The following SORT1 variants were observed in gnomAD, a reference collection of about 807,000 sequenced individuals.
The protein encoded by SORT1 is sortilin 1, also known as sortilin.
In SORT1, 39 loss-of-function variants were observed where a neutral mutation model predicts 101.7. The observed-to-expected ratio is 0.38, with a 90% CI of 0.30 to 0.50. The LOEUF is 0.50. SORT1 is among the 20% of genes least tolerant of loss of function. The pLI is 0.90. For missense variants in SORT1, 878 were observed against 1,040.4 expected (o/e 0.84, Z 2.15); for synonymous variants, 396 against 393.7 (o/e 1.01, Z -0.07).
rs10708090 is a variant in SORT1 at position 109,369,599 on chromosome 1, G to GA, written c.307-11dup. The stretch of plus-strand genomic sequence containing the variant: ...GATCATCAAACACATGCTATAAGGG[G>GA]AAAAAAAATTAATTTAGAAATGACA... On this transcript the variant is annotated splice_polypyrimidine_tract_variant and intron_variant, in intron 1 of 19. Transcript: ENST00000256637. 54 of 1,588,300 alleles carry GA rather than the reference G, an allele frequency of 3.4e-5. No individual in the cohort carries two copies. Among genetic ancestry groups the GA allele is most frequent in the South Asian group, 9.9e-5 (9 of 90,500 alleles).
At chr1:109,387,777 C>G (rs886328693) in intron 1 of SORT1, among the ~76,000 whole-genome samples, 43 of 152,138 alleles carry the variant, frequency 2.8e-4, no homozygotes, top group Middle Eastern at 3.4e-3. Flanking sequence ...ATGGTGAAAC[C>G]CCATCTCTAC....
At position 109,312,556 on chromosome 1, in the gene SORT1, A is replaced by G. The variant is rs1658793237; in HGVS notation, c.*1487T>C. 6.6e-6 allele frequency: 1 copy of G among 152,566 alleles called. No homozygotes were observed. The highest frequency in any genetic ancestry group is 2.4e-5 in the African/African-American group (1 of 41,426). 9.5% of individuals were successfully genotyped at this position (152,566 alleles called of 1,614,324 possible). A position where few individuals can be genotyped will look rare whatever the true frequency, so the allele number is the denominator to read the frequency against. On this transcript the variant is annotated 3_prime_UTR_variant, in exon 20 of 20. Transcript: ENST00000256637. ...CACAAAACTGACTTTCTAGCCACAA[A>G]ATAAACTAGTAGCAAATGGTATCTA...
intron 1 of SORT1, among the ~76,000 whole-genome samples, chr1:109,393,601 A>G (rs1653033837): frequency 6.6e-6 from 1 of 152,208 alleles, no homozygotes. Flanking sequence ...CATGTCATGA[A>G]TACTCCAAGC....
At chr1:109,322,301 T>A (rs12043187) in intron 15 of SORT1, among the ~76,000 whole-genome samples, 1 of 152,160 alleles carries the variant, frequency 6.6e-6, no homozygotes, top group Non-Finnish European at 1.5e-5. Flanking sequence ...GGTGTTTCTG[T>A]CTTTTCATTT....
intron 8 of SORT1, among the ~76,000 whole-genome samples, chr1:109,345,256 T>C (rs1649501404): frequency 6.6e-6 from 1 of 152,172 alleles, no homozygotes; most frequent in African/African-American, 2.4e-5. Context: ...GGCTCACGCC[T>C]ATAATCCCAG....
At chr1:109,358,394 G>A (rs946182334) in intron 3 of SORT1, among the ~76,000 whole-genome samples, 4 of 152,262 alleles carry the variant, frequency 2.6e-5, no homozygotes, top group South Asian at 4.1e-4. Flanking sequence ...AATTAGAGGC[G>A]TGATCCTAGC....
At chr1:109,370,951 A>G (rs1166054079) in intron 1 of SORT1, among the ~76,000 whole-genome samples, 1 of 152,228 alleles carries the variant, frequency 6.6e-6, no homozygotes, top group Non-Finnish European at 1.5e-5. Flanking sequence ...ATCTAAAGAA[A>G]CAGAACTCAA....
chr1:109,351,963 GGGGTGT>G (rs1318306353), intron 5 of SORT1, among the ~76,000 whole-genome samples: 1 of 72,722 alleles, frequency 1.4e-5, no homozygotes, highest in African/African-American at 5.6e-5. Context: ...ATGAGAGGTA[GGGGTGT>G]GTGTGTGTGT....
chr1:109,397,855 C>T lies in SORT1; in HGVS notation c.38G>A (p.Arg13His). 5 of 1,284,008 alleles carry T rather than the reference C, an allele frequency of 3.9e-6. No individual in the cohort carries two copies. The highest frequency in any genetic ancestry group is 5.0e-6 in the Non-Finnish European group (5 of 1,004,686). The allele number at this position is 1,284,008 out of a possible 1,614,324, so 79.5% of individuals were successfully genotyped here. ...GAGGAGGCCGAGGCCATGGGGCCAG[C>T]GCGAGAGGCCGTCCGCAGCTCCCCA... The part of the protein sequence containing the change: ...RPWGAADGLS[R>H]WPHGLGLLLL... The change falls in exon 1 of 20, where the codon CGC becomes CAC. Residue 13 changes from arginine (R) to histidine (H), a missense_variant. Coordinates refer to ENST00000256637, the MANE Select transcript of SORT1 (RefSeq NM_002959.7).
intron 1 of SORT1, among the ~76,000 whole-genome samples, chr1:109,384,389 A>T (rs1422014801): frequency 6.6e-6 from 1 of 152,224 alleles, no homozygotes; most frequent in African/African-American, 2.4e-5. Context: ...TTTGAGGGTG[A>T]TATATGTAGA....
intron 1 of SORT1, among the ~76,000 whole-genome samples, chr1:109,378,230 C>T (rs1345966493): frequency 2.0e-5 from 3 of 151,482 alleles, no homozygotes; most frequent in Admixed American, 6.6e-5. Context: ...GAGAGAGACC[C>T]GGTCTATATT....
Position 109,314,360 on chromosome 1 carries a change from C to G in SORT1, c.2382G>C (p.Val794=). 1.2e-6 allele frequency: 2 copies of G among 1,613,998 alleles called. No homozygotes were observed. The highest frequency in any genetic ancestry group is 1.7e-6 in the Non-Finnish European group (2 of 1,179,998). The change falls in exon 19 of 20, where the codon GTG becomes GTC. Residue 794 remains valine (V), a synonymous_variant. Transcript: ENST00000256637. ...GGRFLVHRYS[V]LQQHAEANGV... The stretch of plus-strand genomic sequence containing the variant: ...CATTGGCCTCTGCATGCTGCTGCAG[C>G]ACAGAGTATCGATGCACCAGGAACC...
Position 109,351,021 on chromosome 1 carries a change from C to CCT in SORT1, c.709-20_709-19insAG. ...GGCCATTCTGAAAGATTATAAATGACTTATCAAAATTCTAGCTTTATCCTG... is the reference window on the plus strand; with the variant it reads ...GGCCATTCTGAAAGATTATAAATGACCTTTATCAAAATTCTAGCTTTATCCTG... On this transcript the variant is annotated intron_variant, in intron 5 of 19. Coordinates refer to ENST00000256637, the MANE Select transcript of SORT1 (RefSeq NM_002959.7). 6.5e-7 allele frequency: 1 copy of CCT among 1,537,074 alleles called. No homozygotes were observed. The highest frequency in any genetic ancestry group is 9.0e-7 in the Non-Finnish European group (1 of 1,109,636).
intron 1 of SORT1, among the ~76,000 whole-genome samples, chr1:109,376,669 C>T (rs1271832015): frequency 6.6e-6 from 1 of 152,100 alleles, no homozygotes; most frequent in Non-Finnish European, 1.5e-5. Flanking sequence ...CACATGCTCT[C>T]ACTTATATTG....
In SORT1 at chr1:109,311,656, C is replaced by T. The variant is rs1050211530; in HGVS notation, c.*2387G>A. On this transcript the variant is annotated 3_prime_UTR_variant, in exon 20 of 20. Transcript: ENST00000256637. Reference sequence around the variant, plus strand: ...TGAGGGGAGGGGCAGTTTCTGCAAACGTATTTAAAATTCCCATTACTTTTG... The same window carrying T: ...TGAGGGGAGGGGCAGTTTCTGCAAATGTATTTAAAATTCCCATTACTTTTG... 3.3e-5 allele frequency: 5 copies of T among 152,148 alleles called. No homozygotes were observed. Among genetic ancestry groups the T allele is most frequent in the African/African-American group, 4.8e-5 (2 of 41,418 alleles). The allele number at this position is 152,148 out of a possible 1,614,324, so 9.4% of individuals were successfully genotyped here.
chr1:109,317,115 G>C (rs998851731), intron 16 of SORT1, among the ~76,000 whole-genome samples, 157 bp from the exon 17 acceptor site: 2 of 152,132 alleles, frequency 1.3e-5, no homozygotes, highest in Admixed American at 1.3e-4. Flanking sequence ...TGTTTTGGGG[G>C]ATATTTTGTG....
intron 3 of SORT1, among the ~76,000 whole-genome samples, chr1:109,366,281 A>T (rs1052009039): frequency 6.6e-6 from 1 of 152,200 alleles, no homozygotes; most frequent in Admixed American, 6.5e-5. Context: ...CAGTGTGAAC[A>T]CTACAAAGCA....
intron 14 of SORT1, 29 bp from the exon 15 acceptor site, chr1:109,323,150 G>C (rs1290250870): frequency 6.9e-6 from 11 of 1,583,552 alleles, no homozygotes; most frequent in Non-Finnish European, 7.8e-6. Flanking sequence ...GTTCAGGAAA[G>C]TACACAGCAC....
rs1339692642 is a variant in SORT1, at chr1:109,313,514, G to C, written c.*529C>G. 7 of 156,130 alleles carry C rather than the reference G, an allele frequency of 4.5e-5. No homozygotes were observed. The highest frequency in any genetic ancestry group is 1.5e-4 in the African/African-American group (6 of 41,352). The allele number at this position is 156,130 out of a possible 1,614,324, so 9.7% of individuals were successfully genotyped here. A position where few individuals can be genotyped will look rare whatever the true frequency, so the allele number is the denominator to read the frequency against. ...TCTGTGTGAGGAGCTGGTGTGCAGT[G>C]TTCTTGGAGTAGGACTGTCCCCAGA... On this transcript the variant is annotated 3_prime_UTR_variant, in exon 20 of 20. Coordinates refer to ENST00000256637, the MANE Select transcript of SORT1 (RefSeq NM_002959.7).
Sources: allele counts gnomAD v4.1 joint callset (sites outside exome capture counted in the v4.1 genomes callset), GRCh38; gene constraint gnomAD v4.1.1; transcripts MANE v1.5; gene names NCBI Gene and HGNC (gene_info 2026-07-23, HGNC 2026-07-21).